Variants in DLG5 observed in about 807,000 individuals in gnomAD.
The protein encoded by DLG5 is discs large MAGUK scaffold protein 5.
Under a neutral mutation model 189.8 loss-of-function variants are expected in DLG5, and 48 were observed. That is an observed-to-expected ratio of 0.25 (90% confidence interval 0.20 to 0.32). DLG5 has a LOEUF of 0.32. Ranked by LOEUF, DLG5 falls within the 10% of genes least tolerant of loss-of-function variation. DLG5 has a pLI of 1.00. For missense variants in DLG5, 2,160 were observed against 2,544.7 expected (o/e 0.85, Z 3.25); for synonymous variants, 1,016 against 1,054.1 (o/e 0.96, Z 0.70).
chr10:77,920,522 CAT>C (rs1318193881), intron 1 of DLG5, among the ~76,000 whole-genome samples: 1 of 152,214 alleles, frequency 6.6e-6, no homozygotes, highest in Non-Finnish European at 1.5e-5. Flanking sequence ...TAAAAACCCA[CAT>C]AGTGTTGGAA....
chr10:77,900,225 A>G (rs1045236784), intron 1 of DLG5, among the ~76,000 whole-genome samples: 5 of 152,176 alleles, frequency 3.3e-5, no homozygotes, highest in African/African-American at 1.2e-4. Flanking sequence ...CTGGGAGGCC[A>G]CAAGGCTGGG....
rs2131887251 is a variant in DLG5, at chr10:77,926,071, C to T, written c.304+146G>A. On this transcript the variant is annotated intron_variant, in intron 1 of 31. Coordinates refer to ENST00000372391, the MANE Select transcript of DLG5 (RefSeq NM_004747.4). This position sits in a 1 kb window ranked among gnomAD's most constrained non-coding sequence, Gnocchi z 5.2. ...CGGCGGGACTTCGGGATCCGCGCACCGCCGCCTCCCCAACTGGGCCAGAGG... is the reference window on the plus strand; with the variant it reads ...CGGCGGGACTTCGGGATCCGCGCACTGCCGCCTCCCCAACTGGGCCAGAGG... The T allele has an allele frequency of 2.3e-6, 2 of 867,442 alleles. No individual in the cohort carries two copies. Among genetic ancestry groups the T allele is most frequent in the East Asian group, 3.3e-5 (1 of 29,886 alleles). 53.7% of individuals were successfully genotyped at this position (867,442 alleles called of 1,614,324 possible). A position where few individuals can be genotyped will look rare whatever the true frequency, so the allele number is the denominator to read the frequency against.
intron 1 of DLG5, among the ~76,000 whole-genome samples, chr10:77,923,625 G>A (rs999122550): frequency 6.6e-6 from 1 of 152,150 alleles, no homozygotes; most frequent in African/African-American, 2.4e-5. Context: ...TGGTGTGGTG[G>A]CATGTGCCTG....
chr10:77,822,809 T>C (rs1201446712), intron 14 of DLG5, among the ~76,000 whole-genome samples: 1 of 152,186 alleles, frequency 6.6e-6, no homozygotes, highest in Non-Finnish European at 1.5e-5. Flanking sequence ...CTTAAGTGTA[T>C]ATTAGCAAAT....
chr10:77,799,897 T>G (rs988576414), intron 27 of DLG5, among the ~76,000 whole-genome samples: 1 of 152,112 alleles, frequency 6.6e-6, no homozygotes, highest in Non-Finnish European at 1.5e-5. Context: ...AGGTGTGAGC[T>G]ACCGTGCCTG....
At chr10:77,895,137 A>G (rs1845721435) in intron 1 of DLG5, among the ~76,000 whole-genome samples, 1 of 152,128 alleles carries the variant, frequency 6.6e-6, no homozygotes, top group Non-Finnish European at 1.5e-5. Flanking sequence ...GCTGCTTCCC[A>G]TGGGAGGCTC....
the DLG5 span, among the ~76,000 whole-genome samples, chr10:77,932,066 T>C: frequency 6.6e-6 from 1 of 152,214 alleles, no homozygotes; most frequent in Admixed American, 6.5e-5. Flanking sequence ...AGCTGAGCGA[T>C]GTTGGGTAAA....
intron 12 of DLG5, 83 bp from the exon 13 acceptor site, chr10:77,829,068 T>C (rs1589169152): frequency 3.5e-6 from 5 of 1,433,746 alleles, no homozygotes; most frequent in African/African-American, 1.4e-5. Flanking sequence ...TGTTACCATC[T>C]TCTTACAAAA....
chr10:77,817,683 T>C, intron 18 of DLG5, 94 bp downstream of exon 18: 1 of 1,115,492 alleles, frequency 9.0e-7, no homozygotes, highest in Non-Finnish European at 1.3e-6. Flanking sequence ...GGAGCTCGTG[T>C]GGGGAGCCCA....
intron 1 of DLG5, among the ~76,000 whole-genome samples, chr10:77,921,438 T>C (rs1589285409): frequency 1.3e-5 from 2 of 152,144 alleles, no homozygotes; most frequent in Admixed American, 1.3e-4. Flanking sequence ...GGTTATTCCC[T>C]TGGGGAAAAA....
chr10:77,877,533 G>C (rs1845138166), intron 1 of DLG5, among the ~76,000 whole-genome samples: 1 of 152,062 alleles, frequency 6.6e-6, no homozygotes, highest in African/African-American at 2.4e-5. Context: ...CCTCCCTTCA[G>C]AGCTGCCGGG....
In DLG5 at chr10:77,835,782, G is replaced by A; in HGVS notation, c.1578C>T (p.Ala526=). Residue 526 remains alanine (A), a synonymous_variant, in exon 8 of 32, where the codon GCC becomes GCT. Transcript: ENST00000372391. The part of the protein sequence containing the change: ...ADVAKCRRDW[A]FQERDKIVAE... ...CTACAATCTTGTCTCGCTCCTGGAA[G>A]GCCCAGTCCCGCCGGCACTTGGCCA... The A allele has an allele frequency of 6.2e-7, 1 of 1,613,760 alleles. No individual in the cohort carries two copies.
intron 29 of DLG5, among the ~76,000 whole-genome samples, chr10:77,795,729 T>C (rs748812006): frequency 1.4e-4 from 22 of 151,998 alleles, no homozygotes; most frequent in Non-Finnish European, 2.8e-4. Flanking sequence ...GCACATGCAT[T>C]TGGGGACCCC....
At chr10:77,848,949 A>T (rs1201600060) in intron 5 of DLG5, among the ~76,000 whole-genome samples, 1 of 152,152 alleles carries the variant, frequency 6.6e-6, no homozygotes, top group African/African-American at 2.4e-5. Context: ...ATGCAAAAAC[A>T]CCCTCTACTT....
chr10:77,867,811 C>A (rs1234184092), intron 2 of DLG5: 3 of 404,770 alleles, frequency 7.4e-6, no homozygotes, highest in Non-Finnish European at 1.5e-5. Flanking sequence ...GCTCAGCCCA[C>A]AGCAGTTATT....
intron 1 of DLG5, among the ~76,000 whole-genome samples, chr10:77,874,641 A>G (rs1318201710): frequency 1.3e-5 from 2 of 152,228 alleles, no homozygotes; most frequent in African/African-American, 4.8e-5. Context: ...CCTATCCCCA[A>G]GATATCTCAT....
chr10:77,826,211 G>A lies in DLG5; in HGVS notation c.2290-1735C>T, dbSNP rs1842629995. ...GAAGTAGCATGTCAGTGGCCATGCA[G>A]CACGACACAGATGTAAGTAAGGGCA... On this transcript the variant is annotated intron_variant, in intron 13 of 31. Transcript: ENST00000372391. Among the ~76,000 whole-genome samples, 3 of 152,334 alleles carry A rather than the reference G, an allele frequency of 2.0e-5. No individual in the cohort carries two copies. The South Asian group carries it at 6.2e-4, about 32-fold the overall frequency.
At chr10:77,810,743 T>C (rs537028932) in intron 23 of DLG5, among the ~76,000 whole-genome samples, 25 of 152,202 alleles carry the variant, frequency 1.6e-4, no homozygotes, top group South Asian at 8.3e-4. Context: ...TGCCACCTCA[T>C]TGGGGGAAGC....
intron 1 of DLG5, among the ~76,000 whole-genome samples, chr10:77,924,355 T>C (rs1048841582): frequency 6.6e-6 from 1 of 152,126 alleles, no homozygotes; most frequent in Admixed American, 6.5e-5. Context: ...GACTAGCTCC[T>C]AGAACTTCAG....
Sources: allele counts gnomAD v4.1 joint callset (sites outside exome capture counted in the v4.1 genomes callset), GRCh38; gene constraint gnomAD v4.1.1; non-coding constraint Gnocchi (gnomAD v3.1); transcripts MANE v1.5; gene names NCBI Gene and HGNC (gene_info 2026-07-23, HGNC 2026-07-21).